Variants in TBX18 observed in about 807,000 individuals in gnomAD.
TBX18 encodes T-box transcription factor 18.
In TBX18, 21 loss-of-function variants were observed where a neutral mutation model predicts 55.0. The observed-to-expected ratio is 0.38, with a 90% confidence interval of 0.27 to 0.55. TBX18 has a LOEUF of 0.55. Ranked by LOEUF, TBX18 falls within the 20% of genes least tolerant of loss-of-function variation. The probability of loss-of-function intolerance (pLI) is 0.73; values close to 1 mark genes in which losing one functional copy is unlikely to be tolerated. For synonymous variants in TBX18, 342 were observed against 326.1 expected (o/e 1.05, Z -0.53); for missense variants, 840 against 799.6 (o/e 1.05, Z -0.61).
intron 4 of TBX18, among the ~76,000 whole-genome samples, chr6:84,754,385 T>C (rs1295115080): frequency 6.6e-6 from 1 of 152,206 alleles, no homozygotes; most frequent in Non-Finnish European, 1.5e-5. Context: ...CCAAAGGCAA[T>C]TCACTTGCTT....
In TBX18 at chr6:84,733,341, G is replaced by A. The variant is rs1408368597; in HGVS notation, c.*3344C>T. On this transcript the variant is annotated 3_prime_UTR_variant, in exon 8 of 8. Coordinates refer to ENST00000369663, the MANE Select transcript of TBX18 (RefSeq NM_001080508.3). ...TTTCTTTTTAGAAAGGATGAACAAT[G>A]AGATTAAAACACAACATGGTAATAA... 1 of 152,134 alleles carries A rather than the reference G, an allele frequency of 6.6e-6. No homozygotes were observed. The highest frequency in any genetic ancestry group is 1.5e-5 in the Non-Finnish European group (1 of 68,018). The allele number at this position is 152,134 out of a possible 1,614,324, so 9.4% of individuals were successfully genotyped here.
intron 3 of TBX18, 95 bp from the exon 4 acceptor site, chr6:84,756,964 G>T: frequency 8.2e-7 from 1 of 1,215,660 alleles, no homozygotes; most frequent in Non-Finnish European, 1.1e-6. Flanking sequence ...TTTTGTTTCA[G>T]TTTTAAAATA....
intron 6 of TBX18, among the ~76,000 whole-genome samples, chr6:84,743,823 G>C (rs1262318362): frequency 2.0e-5 from 3 of 152,208 alleles, no homozygotes; most frequent in Admixed American, 2.0e-4. Context: ...CTTGGCAATG[G>C]AGAGTAGTTT....
intron 1 of TBX18, chr6:84,763,416 T>C (rs1293703385): frequency 2.2e-6 from 1 of 458,812 alleles, no homozygotes; most frequent in African/African-American, 2.0e-5. Context: ...AGGGAACCGC[T>C]CAACTACCCT....
chr6:84,763,952 G>A lies in TBX18; in HGVS notation c.230C>T (p.Pro77Leu). Residue 77 changes from proline to leucine, a missense_variant, in exon 1 of 8, where the codon CCG (proline) becomes CTG (leucine). Physicochemically the swap from Pro to Leu is moderately conservative, Grantham distance 98 (BLOSUM62 -3). Transcript: ENST00000369663. Reference sequence around the variant, plus strand: ...CGGCCCAGACGTCGCCCCAGCCGGCGGCGGGAGCGCAGCGCCTTCGTCTCC... The same window carrying A: ...CGGCCCAGACGTCGCCCCAGCCGGCAGCGGGAGCGCAGCGCCTTCGTCTCC... ...SEGDEGAALP[P>L]PAGATSGPAR... 1 of 1,579,376 alleles carries A rather than the reference G, an allele frequency of 6.3e-7. No individual in the cohort carries two copies. The highest frequency in any genetic ancestry group is 8.6e-7 in the Non-Finnish European group (1 of 1,168,780).
rs145590455 is a variant in TBX18 at position 84,744,844 on chromosome 6, T to C, written c.940-519A>G. Among the ~76,000 whole-genome samples the C allele has an allele frequency of 2.3e-4, 35 of 152,270 alleles. 2 individuals are homozygous for C. Among genetic ancestry groups the C allele is most frequent in the Admixed American group, 1.6e-3 (25 of 15,286 alleles). ...ACATTCCTTTAATTTTCTGTCTCTG[T>C]ATTTTTCTTTGTCTCTCCTTTAATA... On this transcript the variant is annotated intron_variant, in intron 5 of 7. Transcript: ENST00000369663.
At chr6:84,760,461 GAT>G in intron 2 of TBX18, 105 bp from the exon 3 acceptor site, 1 of 645,326 alleles carries the variant, frequency 1.5e-6, no homozygotes, top group Non-Finnish European at 2.6e-6. Flanking sequence ...TTTTAATATG[GAT>G]AAATTTATAG....
At chr6:84,738,466 T>C (rs759468579) in intron 7 of TBX18, 31 bp downstream of exon 7, 4 of 1,559,916 alleles carry the variant, frequency 2.6e-6, no homozygotes, top group Admixed American at 3.3e-5. Flanking sequence ...GAACGGGCTG[T>C]ATATATGACC....
chr6:84,760,212 C>A, intron 3 of TBX18, 43 bp downstream of exon 3: 1 of 1,287,058 alleles, frequency 7.8e-7, no homozygotes, highest in Non-Finnish European at 1.1e-6. Flanking sequence ...CTGCAAAATC[C>A]TAGTGTTTTT....
At chr6:84,763,677 G>A (rs528797665) in intron 1 of TBX18, among the ~76,000 whole-genome samples, 2 of 152,102 alleles carry the variant, frequency 1.3e-5, no homozygotes, top group Admixed American at 6.5e-5. Flanking sequence ...CCGAGTGGGC[G>A]GCGGCCGCCC....
Position 84,744,271 on chromosome 6 carries a change from C to T in TBX18, c.994G>A (p.Gly332Arg), listed in dbSNP as rs1254339767. Residue 332 changes from glycine to arginine, a missense_variant, in exon 6 of 8, where the codon GGG (glycine) becomes AGG (arginine). Transcript: ENST00000369663. ...NPFAKGFRDS[G>R]RNRMGLEALV... ...TTCACTAAGGCCCACCTGTTGCGCCCGGAGTCTCGGAAGCCTTTAGCAAAT... is the reference window on the plus strand; with the variant it reads ...TTCACTAAGGCCCACCTGTTGCGCCTGGAGTCTCGGAAGCCTTTAGCAAAT... 4.3e-6 allele frequency: 7 copies of T among 1,612,330 alleles called. No homozygotes were observed. The highest frequency in any genetic ancestry group is 2.2e-5 in the East Asian group (1 of 44,818).
At chr6:84,753,283 CAT>C (rs1767399089) in intron 4 of TBX18, among the ~76,000 whole-genome samples, 1 of 152,196 alleles carries the variant, frequency 6.6e-6, no homozygotes, top group Non-Finnish European at 1.5e-5. Context: ...TCTCATGTCT[CAT>C]GTGCTCCTAC....
At position 84,762,726 on chromosome 6, in the gene TBX18, C is replaced by T. The variant is rs1424054054; in HGVS notation, c.315G>A (p.Gln105=). The change falls in exon 2 of 8, where the codon CAG becomes CAA. Residue 105 remains glutamine, a synonymous_variant. Coordinates refer to ENST00000369663, the MANE Select transcript of TBX18 (RefSeq NM_001080508.3). ...GTGACGCCAGAGGGGAAGCTCCCTG[C>T]TGGAAGCCGTCCTCACAGCCGCCTG... ...GAAGGCEDGF[Q]QGASPLASPG... is the part of the protein sequence containing the mutation. The T allele has an allele frequency of 6.2e-7, 1 of 1,607,866 alleles. No individual in the cohort carries two copies. Among genetic ancestry groups the T allele is most frequent in the Non-Finnish European group, 8.5e-7 (1 of 1,177,644 alleles).
chr6:84,744,457 A>G lies in TBX18; in HGVS notation c.940-132T>C, dbSNP rs1167415074. ...TTGTATAAGCCTCTTTTATTCCCCA[A>G]GTATTTTAATATCCTAGCAGTAAAG... On this transcript the variant is annotated intron_variant, in intron 5 of 7. Transcript: ENST00000369663. 9.2e-6 allele frequency: 6 copies of G among 653,740 alleles called. No individual in the cohort carries two copies. The East Asian group carries it at 1.7e-4, about 19-fold the overall frequency. The allele number at this position is 653,740 out of a possible 1,614,324, so 40.5% of individuals were successfully genotyped here.
chr6:84,741,160 T>G (rs1767037978), intron 6 of TBX18: 1 of 152,192 alleles, frequency 6.6e-6, no homozygotes, highest in Non-Finnish European at 1.5e-5. Context: ...ATCTGGACAT[T>G]TTTTAAAAAG....
In TBX18 at chr6:84,756,759, C is replaced by A. The variant is rs1198591221; in HGVS notation, c.710G>T (p.Arg237Ile). The A allele has an allele frequency of 6.2e-6, 10 of 1,614,134 alleles. No individual in the cohort carries two copies. Among genetic ancestry groups the A allele is most frequent in the Non-Finnish European group, 8.5e-6 (10 of 1,180,040 alleles). The stretch of plus-strand genomic sequence containing the variant: ...CAGCTTGTCGAAGCTGATAACTTGT[C>A]TCATCCAAGTCTCCCCCGAGGCAGG... ...DSPASGETWM[R>I]QVISFDKLKL... Residue 237 changes from arginine to isoleucine, a missense_variant, in exon 4 of 8, where the codon AGA (arginine) becomes ATA (isoleucine). Physicochemically the swap from Arg to Ile is moderately conservative, Grantham distance 97 (BLOSUM62 -3). Coordinates refer to ENST00000369663, the MANE Select transcript of TBX18 (RefSeq NM_001080508.3).
rs1773858898 is a variant in TBX18 at position 84,733,538 on chromosome 6, G to A, written c.*3147C>T. ...AGGTAGCATCCACCACCTCTACCAAGGTTCCTGAAAGAAGTTTATGAAATG... is the reference window on the plus strand; with the variant it reads ...AGGTAGCATCCACCACCTCTACCAAAGTTCCTGAAAGAAGTTTATGAAATG... On this transcript the variant is annotated 3_prime_UTR_variant, in exon 8 of 8. Coordinates refer to ENST00000369663, the MANE Select transcript of TBX18 (RefSeq NM_001080508.3). The A allele has an allele frequency of 6.6e-6, 1 of 152,190 alleles. No individual in the cohort carries two copies. The highest frequency in any genetic ancestry group is 1.5e-5 in the Non-Finnish European group (1 of 68,040). The allele number at this position is 152,190 out of a possible 1,614,324, so 9.4% of individuals were successfully genotyped here. A position where few individuals can be genotyped will look rare whatever the true frequency, so the allele number is the denominator to read the frequency against.
chr6:84,752,009 A>G (rs915050965), intron 4 of TBX18, among the ~76,000 whole-genome samples: 7 of 152,204 alleles, frequency 4.6e-5, no homozygotes, highest in African/African-American at 1.7e-4. Flanking sequence ...CAAAACACAA[A>G]TAATTCCAAA....
Position 84,763,978 on chromosome 6 carries a change from C to T in TBX18, c.204G>A (p.Glu68=). The T allele has an allele frequency of 6.3e-7, 1 of 1,582,542 alleles. No individual in the cohort carries two copies. The highest frequency in any genetic ancestry group is 8.5e-7 in the Non-Finnish European group (1 of 1,169,902). ...GCGGGAGCGCAGCGCCTTCGTCTCC[C>T]TCAGAAGAACCCTTTTCGCCCGCGC... ...GGGAGEKGSS[E]GDEGAALPPP... Residue 68 remains glutamate, a synonymous_variant, in exon 1 of 8, where the codon GAG becomes GAA. Coordinates refer to ENST00000369663, the MANE Select transcript of TBX18 (RefSeq NM_001080508.3).
Sources: gnomAD v4.1 joint callset for allele counts (sites outside exome capture counted in the v4.1 genomes callset) on GRCh38, gnomAD v4.1.1 for gene constraint, MANE v1.5 for transcripts, NCBI Gene and HGNC (gene_info 2026-07-23, HGNC 2026-07-21) for gene names.